The following NARS1 variants were observed in gnomAD, a reference collection of about 807,000 sequenced individuals.
NARS1 encodes the protein asparaginyl-tRNA synthetase 1, also known as asparagine--tRNA ligase, cytoplasmic.
In NARS1, 65 loss-of-function variants were observed where a neutral mutation model predicts 79.2. The ratio of observed to expected loss-of-function variants is 0.82; its 90% CI spans 0.67 to 1.01. The LOEUF (loss-of-function observed/expected upper bound fraction) is 1.01, where lower values mean the gene tolerates loss of function less well. Ranked by LOEUF, NARS1 falls within the 50% of genes least tolerant of loss-of-function variation. The pLI is 0.00. For synonymous variants in NARS1, 229 were observed against 238.8 expected, an observed-to-expected ratio of 0.96 and a Z score of 0.38; for missense variants, 649 against 673.8, an observed-to-expected ratio of 0.96 and a Z score of 0.41.
intron 12 of NARS1, 131 bp from the exon 13 acceptor site, chr18:57,602,617 A>G (rs745368138): frequency 2.5e-5 from 31 of 1,247,658 alleles, no homozygotes; most frequent in Non-Finnish European, 3.4e-5. Context: ...TGTAATATTC[A>G]AATGTTTACA....
At chr18:57,609,572 G>T in intron 6 of NARS1, 129 bp from the exon 7 acceptor site, 1 of 648,750 alleles carries the variant, frequency 1.5e-6, no homozygotes. Context: ...GAGTGAGATG[G>T]CCACTGATTC....
chr18:57,621,636 G>T, intron 1 of NARS1, 72 bp downstream of exon 1: 1 of 1,354,630 alleles, frequency 7.4e-7, no homozygotes, highest in Non-Finnish European at 1.0e-6. Flanking sequence ...TAAGGAAAGC[G>T]CCGAAACCCG....
intron 2 of NARS1, among the ~76,000 whole-genome samples, chr18:57,616,373 T>C (rs1264867870): frequency 1.4e-5 from 2 of 146,216 alleles, no homozygotes; most frequent in Non-Finnish European, 3.0e-5. Flanking sequence ...TGAGCCAAGA[T>C]CGTGCCACTG....
chr18:57,604,083 A>G (rs924443623), intron 11 of NARS1, among the ~76,000 whole-genome samples: 1 of 152,260 alleles, frequency 6.6e-6, no homozygotes, highest in Non-Finnish European at 1.5e-5. Flanking sequence ...AGAGGGGGTC[A>G]CTGGTCTTCA....
chr18:57,602,824 A>G lies in NARS1; in HGVS notation c.1371T>C (p.Arg457=), dbSNP rs2051520245. 1 of 1,614,048 alleles carries G rather than the reference A, an allele frequency of 6.2e-7. No individual in the cohort carries two copies. Among genetic ancestry groups the G allele is most frequent in the Non-Finnish European group, 8.5e-7 (1 of 1,179,968 alleles). ...FYMQRCPEDS[R]LTESVDVLMP... is the part of the protein sequence containing the mutation. ...AACAGAAACTGACAGATTCAGTAAG[A>G]CGGGAATCCTCAGGACATCGCTGCA... Residue 457 remains arginine (R), a synonymous_variant, in exon 12 of 14, where the codon CGT becomes CGC. Transcript: ENST00000256854.
In NARS1 at chr18:57,615,700, G is replaced by A. The variant is rs1907992968; in HGVS notation, c.283C>T (p.Leu95=). The change falls in exon 4 of 14, where the codon CTG becomes TTG. Residue 95 remains leucine (L), a synonymous_variant. Coordinates refer to ENST00000256854, the MANE Select transcript of NARS1 (RefSeq NM_004539.4). The part of the protein sequence containing the change: ...AEDSLRREKN[L]EEAKKITIKN... ...ATGGTAATCTTCTTTGCTTCTTCCA[G>A]GTTCTTTTCTCTTCGTAAACTATCT... The A allele has an allele frequency of 6.2e-7, 1 of 1,612,952 alleles. No homozygotes were observed. Among genetic ancestry groups the A allele is most frequent in the East Asian group, 2.2e-5 (1 of 44,854 alleles).
chr18:57,606,949 G>C lies in NARS1; in HGVS notation c.1001+185C>G. The C allele has an allele frequency of 4.4e-6, 4 of 913,940 alleles. No homozygotes were observed. In the South Asian group the frequency reaches 7.1e-5, roughly 16 times the overall value. The allele number at this position is 913,940 out of a possible 1,614,324, so 56.6% of individuals were successfully genotyped here. On this transcript the variant is annotated intron_variant, in intron 9 of 13. Coordinates refer to ENST00000256854, the MANE Select transcript of NARS1 (RefSeq NM_004539.4). ...TGCTCCTTTATATATAAAAGATCAA[G>C]TCAAAGTGAAAAAAGAGAACTTAGC... is the stretch of plus-strand genomic sequence containing the variant.
At chr18:57,620,704 C>G (rs1195174222) in intron 1 of NARS1, 53 bp from the exon 2 acceptor site, 1 of 1,057,464 alleles carries the variant, frequency 9.5e-7, no homozygotes, top group Non-Finnish European at 1.4e-6. Flanking sequence ...TATTAGTCAC[C>G]TTACTACTTT....
In NARS1 at chr18:57,606,758, A is replaced by G. The variant is rs1429052004; in HGVS notation, c.1002-7T>C. On this transcript the variant is annotated splice_region_variant and splice_polypyrimidine_tract_variant and intron_variant, in intron 9 of 13. Transcript: ENST00000256854. Reference sequence around the variant, plus strand: ...AGCTTCCACGTGAGTGTACCTGAAGAACGAGACAATAGCTCAGCACTGCTT... The same window carrying G: ...AGCTTCCACGTGAGTGTACCTGAAGGACGAGACAATAGCTCAGCACTGCTT... 4 of 1,614,024 alleles carry G rather than the reference A, an allele frequency of 2.5e-6. No homozygotes were observed. The highest frequency in any genetic ancestry group is 3.4e-6 in the Non-Finnish European group (4 of 1,180,004).
intron 6 of NARS1, among the ~76,000 whole-genome samples, chr18:57,610,141 G>C (rs1428930050): frequency 2.6e-4 from 38 of 147,936 alleles, no homozygotes; most frequent in Admixed American, 2.5e-3. Context: ...TTAAAAGGAA[G>C]AAGTCAGGCT....
intron 2 of NARS1, among the ~76,000 whole-genome samples, chr18:57,617,301 G>A (rs1289288997): frequency 2.0e-5 from 3 of 152,032 alleles, no homozygotes; most frequent in Non-Finnish European, 4.4e-5. Context: ...GGCCGGGCAT[G>A]GTGGCTCACA....
chr18:57,601,925 C>A, intron 13 of NARS1, 142 bp from the exon 14 acceptor site: 1 of 786,566 alleles, frequency 1.3e-6, no homozygotes, highest in Non-Finnish European at 2.0e-6. Flanking sequence ...GTGGCTCGTG[C>A]CTGTAATCCC....
chr18:57,607,401 CA>C (rs2051567663), intron 8 of NARS1, 42 bp downstream of exon 8: 1 of 1,611,630 alleles, frequency 6.2e-7, no homozygotes, highest in Non-Finnish European at 8.5e-7. Context: ...TTCAAAACGG[CA>C]AAAAACATAT....
intron 4 of NARS1, 97 bp downstream of exon 4, chr18:57,615,544 A>C: frequency 1.3e-6 from 1 of 793,582 alleles, no homozygotes; most frequent in Non-Finnish European, 2.0e-6. Flanking sequence ...TAAAAACAAA[A>C]TGTAAAGGAA....
At position 57,606,747 on chromosome 18, in the gene NARS1, T is replaced by C. The variant is rs772079688; in HGVS notation, c.1006A>G (p.Thr336Ala). ...AAAGGACACTCAGCTTCCACGTGAG[T>C]GTACCTGAAGAACGAGACAATAGCT... The part of the protein sequence containing the change: ...SRTRRHLAEY[T>A]HVEAECPFLT... The change falls in exon 10 of 14, where the codon ACT becomes GCT. Residue 336 changes from threonine to alanine, a missense_variant. Transcript: ENST00000256854. 1.2e-5 allele frequency: 19 copies of C among 1,613,974 alleles called. No individual in the cohort carries two copies. The Admixed American group carries it at 1.7e-4, about 14-fold the overall frequency.
Position 57,603,397 on chromosome 18 carries a change from C to T in NARS1, c.1252-454G>A, listed in dbSNP as rs1336906881. On this transcript the variant is annotated intron_variant, in intron 11 of 13. Coordinates refer to ENST00000256854, the MANE Select transcript of NARS1 (RefSeq NM_004539.4). ...TACACACAGAGTATATTACTAATGA[C>T]ACTTATCTTTAAACTCTCCTGTTAT... 2.6e-5 allele frequency among the ~76,000 whole-genome samples: 4 copies of T among 152,138 alleles called. No homozygotes were observed. The East Asian group carries it at 5.8e-4, about 22-fold the overall frequency.
chr18:57,608,319 G>T (rs1387879812), intron 7 of NARS1, among the ~76,000 whole-genome samples: 3 of 151,188 alleles, frequency 2.0e-5, no homozygotes, highest in South Asian at 2.1e-4. Flanking sequence ...GCATGGTGGC[G>T]CACGCCTATA....
intron 5 of NARS1, among the ~76,000 whole-genome samples, chr18:57,612,165 T>C (rs2051609373): frequency 6.6e-6 from 1 of 152,206 alleles, no homozygotes; most frequent in African/African-American, 2.4e-5. Flanking sequence ...CTACTCAGTA[T>C]TTGTAAAATA....
chr18:57,616,198 G>A (rs917337909), intron 2 of NARS1, among the ~76,000 whole-genome samples: 1 of 151,998 alleles, frequency 6.6e-6, no homozygotes, highest in African/African-American at 2.4e-5. Flanking sequence ...AGGCCGAGGT[G>A]GGTGAGGTCA....
Sources: allele counts gnomAD v4.1 joint callset (sites outside exome capture counted in the v4.1 genomes callset), GRCh38; gene constraint gnomAD v4.1.1; transcripts MANE v1.5; gene names NCBI Gene and HGNC (gene_info 2026-07-23, HGNC 2026-07-21).